The following KIF9 variants were observed in gnomAD, a reference collection of about 807,000 sequenced individuals.
KIF9 encodes the protein kinesin family member 9, also known as kinesin-like protein KIF9.
KIF9 carries 68 observed loss-of-function variants against 94.8 expected under a neutral mutation model. The observed-to-expected ratio is 0.72, with a 90% CI of 0.59 to 0.88. The LOEUF is 0.88. Ranked by LOEUF, KIF9 falls within the 40% of genes least tolerant of loss-of-function variation. The probability of loss-of-function intolerance (pLI) is 0.00; values close to 1 mark genes in which losing one functional copy is unlikely to be tolerated. For missense variants in KIF9, 882 were observed against 982.5 expected (o/e 0.90, Z 1.37); for synonymous variants, 343 against 362.1 (o/e 0.95, Z 0.60).
At chr3:47,277,442 G>T in intron 1 of KIF9, 63 bp from the exon 2 acceptor site, 1 of 1,074,506 alleles carries the variant, frequency 9.3e-7, no homozygotes, top group Non-Finnish European at 1.4e-6. Flanking sequence ...AGAGGAGAGG[G>T]GTCATTCATT....
At chr3:47,282,367 T>C (rs536253584) in intron 1 of KIF9, 128 bp downstream of exon 1, 130 of 985,908 alleles carry the variant, frequency 1.3e-4, no homozygotes, top group African/African-American at 1.2e-3. Context: ...CGCCTGGGTT[T>C]CAGAGATGAG....
chr3:47,251,612 C>T (rs968981821), intron 10 of KIF9, among the ~76,000 whole-genome samples: 2 of 152,062 alleles, frequency 1.3e-5, no homozygotes, highest in Admixed American at 1.3e-4. Flanking sequence ...GAAAAAAATG[C>T]CTTGGAAACA....
At chr3:47,257,450 C>A (rs761743267) in intron 10 of KIF9, 33 bp downstream of exon 10, 4 of 1,592,018 alleles carry the variant, frequency 2.5e-6, no homozygotes, top group Non-Finnish European at 3.4e-6. Flanking sequence ...ACTTTCCCCA[C>A]AGTGGGACAC....
intron 17 of KIF9, among the ~76,000 whole-genome samples, chr3:47,238,805 G>A (rs1362638242): frequency 1.3e-5 from 2 of 152,180 alleles, no homozygotes; most frequent in Admixed American, 1.3e-4. Flanking sequence ...GGGACTACAG[G>A]CGTGCATCAC....
At chr3:47,252,030 G>A (rs1700304832) in intron 10 of KIF9, among the ~76,000 whole-genome samples, 1 of 152,126 alleles carries the variant, frequency 6.6e-6, no homozygotes, top group Non-Finnish European at 1.5e-5. Flanking sequence ...AGCCCCATCA[G>A]CCAAAGAAAT....
chr3:47,271,370 A>G lies in KIF9; in HGVS notation c.458T>C (p.Leu153Pro). ...EIYNESLFDL[L>P]STLPYVGPSV... The stretch of plus-strand genomic sequence containing the variant: ...GGGTCCAACATAGGGCAGAGTGGAC[A>G]GGAGATCAAACAGGCTCTCATTATA... Residue 153 changes from leucine to proline, a missense_variant, in exon 5 of 21, where the codon CTG becomes CCG. Transcript: ENST00000684063. 6.2e-7 allele frequency: 1 copy of G among 1,614,062 alleles called. No individual in the cohort carries two copies. The highest frequency in any genetic ancestry group is 8.5e-7 in the Non-Finnish European group (1 of 1,179,968).
intron 5 of KIF9, among the ~76,000 whole-genome samples, chr3:47,268,289 G>T (rs1701417748): frequency 6.6e-6 from 1 of 152,144 alleles, no homozygotes; most frequent in Non-Finnish European, 1.5e-5. Flanking sequence ...GTGGTGTGGT[G>T]GAAATGGCTG....
intron 10 of KIF9, among the ~76,000 whole-genome samples, chr3:47,251,602 G>GA (rs1455771882): frequency 1.3e-5 from 2 of 152,034 alleles, no homozygotes; most frequent in African/African-American, 4.8e-5. Context: ...TTTTAGATAG[G>GA]AAAAAAATGC....
chr3:47,237,890 G>A (rs1043176980), intron 17 of KIF9, among the ~76,000 whole-genome samples: 2 of 152,196 alleles, frequency 1.3e-5, no homozygotes, highest in Admixed American at 6.5e-5. Flanking sequence ...GCAATCTGCT[G>A]TGGTCTCTAT....
chr3:47,229,544 A>G (rs542680298), intron 20 of KIF9, among the ~76,000 whole-genome samples: 55 of 152,302 alleles, frequency 3.6e-4, no homozygotes, highest in African/African-American at 9.6e-4. Flanking sequence ...ATAAAAGTAT[A>G]TATTTAAATA....
rs566799649 is a variant in KIF9, at chr3:47,230,588, G to A, written c.2323-1886C>T. 1.3e-3 allele frequency among the ~76,000 whole-genome samples: 196 copies of A among 151,568 alleles called. 1 individual carries two copies. The Middle Eastern group carries it at 0.014, about 11-fold the overall frequency. ...CTCTACTAAAAATACAAAATTAGCC[G>A]GTAGTGGTGGCGCATGCCTATAATC... On this transcript the variant is annotated intron_variant, in intron 20 of 20. Transcript: ENST00000684063.
intron 10 of KIF9, among the ~76,000 whole-genome samples, chr3:47,255,407 G>A (rs1700507231): frequency 6.6e-6 from 1 of 152,150 alleles, no homozygotes. Context: ...TGTTTACTGG[G>A]ACGAAAGAGA....
At position 47,244,503 on chromosome 3, in the gene KIF9, C is replaced by T. The variant is rs1575970094; in HGVS notation, c.1514+288G>A. On this transcript the variant is annotated intron_variant, in intron 15 of 20. Transcript: ENST00000684063. ...ATTCCACTACTCATTGGTGGTATGG[C>T]CTTGGTGAGTGACTTCCCCTCTCTA... 4 of 352,694 alleles carry T rather than the reference C, an allele frequency of 1.1e-5. No homozygotes were observed. The South Asian group carries it at 1.7e-4, about 15-fold the overall frequency. The allele number at this position is 352,694 out of a possible 1,614,324, so 21.8% of individuals were successfully genotyped here.
Position 47,228,486 on chromosome 3 carries a change from TGTC to T in KIF9, c.*163_*165del, listed in dbSNP as rs916769606. 1 of 684,816 alleles carries T rather than the reference TGTC, an allele frequency of 1.5e-6. No individual in the cohort carries two copies. 42.4% of individuals were successfully genotyped at this position (684,816 alleles called of 1,614,324 possible). A position where few individuals can be genotyped will look rare whatever the true frequency, so the allele number is the denominator to read the frequency against. On this transcript the variant is annotated 3_prime_UTR_variant, in exon 21 of 21. Transcript: ENST00000684063. Reference sequence around the variant, plus strand: ...AGTGCTCTGTGGAGATGAGCAAGGTTGTCCTTGGAGGATGCTCCTCCCAACATG... The same window carrying T: ...AGTGCTCTGTGGAGATGAGCAAGGTTCTTGGAGGATGCTCCTCCCAACATG...
intron 4 of KIF9, among the ~76,000 whole-genome samples, 182 bp from the exon 5 acceptor site, chr3:47,271,643 CACTT>C (rs1043540697): frequency 6.6e-6 from 1 of 152,190 alleles, no homozygotes; most frequent in Non-Finnish European, 1.5e-5. Context: ...GATTGGCTAA[CACTT>C]AAACCATCTC....
intron 1 of KIF9, chr3:47,282,004 G>T: frequency 5.8e-6 from 1 of 173,818 alleles, no homozygotes; most frequent in South Asian, 1.9e-4. Flanking sequence ...ACCTGGCCTT[G>T]GCTGAACAAG....
At chr3:47,260,566 G>A (rs1700904171) in intron 9 of KIF9, among the ~76,000 whole-genome samples, 1 of 152,196 alleles carries the variant, frequency 6.6e-6, no homozygotes, top group Non-Finnish European at 1.5e-5. Flanking sequence ...GCCAGGCTCT[G>A]TTCTAAGTGT....
chr3:47,231,390 T>C (rs912012051), intron 20 of KIF9, among the ~76,000 whole-genome samples: 1 of 139,064 alleles, frequency 7.2e-6, no homozygotes. Flanking sequence ...AATCTCAGGC[T>C]CCATCAGTAT....
At chr3:47,267,670 A>G (rs1248498443) in intron 5 of KIF9, among the ~76,000 whole-genome samples, 1 of 152,200 alleles carries the variant, frequency 6.6e-6, no homozygotes, top group African/African-American at 2.4e-5. Flanking sequence ...ATCCAAAATC[A>G]TATTATAGCT....
Sources: gnomAD v4.1 joint callset for allele counts (sites outside exome capture counted in the v4.1 genomes callset) on GRCh38, gnomAD v4.1.1 for gene constraint, MANE v1.5 for transcripts, NCBI Gene and HGNC (gene_info 2026-07-23, HGNC 2026-07-21) for gene names.